The following PIGK variants were observed in gnomAD, a reference collection of about 807,000 sequenced individuals.
PIGK encodes GPI-anchor transamidase.
In PIGK, 42 loss-of-function variants were observed where a neutral mutation model predicts 50.6. The observed-to-expected ratio is 0.83, with a 90% confidence interval of 0.65 to 1.07. The LOEUF (loss-of-function observed/expected upper bound fraction) is 1.07. Among genes scored for constraint, PIGK ranks in the 50% least tolerant of loss-of-function variants. PIGK has a pLI of 0.00. For synonymous variants in PIGK, 151 were observed against 156.0 expected (o/e 0.97, Z 0.24); for missense variants, 448 against 488.7 (o/e 0.92, Z 0.78).
chr1:77,167,906 T>C (rs4949774), intron 4 of PIGK, among the ~76,000 whole-genome samples: 1 of 152,082 alleles, frequency 6.6e-6, no homozygotes, highest in African/African-American at 2.4e-5. Context: ...AATAGTTCCA[T>C]GTTCACTACC....
chr1:77,118,196 T>G (rs552007721), intron 10 of PIGK, among the ~76,000 whole-genome samples: 2 of 152,302 alleles, frequency 1.3e-5, no homozygotes, highest in South Asian at 4.1e-4. Flanking sequence ...AGGTGTTAAT[T>G]CCATGAGGAA....
In PIGK at chr1:77,180,857, G is replaced by A. The variant is rs2100568914; in HGVS notation, c.240-11462C>T. Among the ~76,000 whole-genome samples the A allele has an allele frequency of 2.0e-5, 3 of 151,996 alleles. No homozygotes were observed. The East Asian group carries it at 5.8e-4, about 29-fold the overall frequency. On this transcript the variant is annotated intron_variant, in intron 3 of 10. Coordinates refer to ENST00000370812, the MANE Select transcript of PIGK (RefSeq NM_005482.3). The stretch of plus-strand genomic sequence containing the variant: ...GGGGTGACTTTGAATAGAATGGGAG[G>A]CAGGTTTGCCCTAAGCAGTTCCCAG...
At chr1:77,104,024 T>TA (rs11450309) in intron 10 of PIGK, among the ~76,000 whole-genome samples, 31,778 of 138,024 alleles carry the variant, frequency 0.23, 4,483 homozygotes, top group Non-Finnish European at 0.33. Flanking sequence ...GGGGCTATCT[T>TA]AAAAAAAAAA....
At chr1:77,129,729 A>G in intron 9 of PIGK, 1 of 971,988 alleles carries the variant, frequency 1.0e-6, no homozygotes. Context: ...AAATAAATAA[A>G]TAAATAAATA....
intron 3 of PIGK, among the ~76,000 whole-genome samples, chr1:77,174,479 T>G (rs1408148373): frequency 3.9e-5 from 6 of 152,322 alleles, no homozygotes; most frequent in African/African-American, 1.4e-4. Flanking sequence ...ATCTGATGTT[T>G]CCGACTTTGG....
intron 9 of PIGK, among the ~76,000 whole-genome samples, chr1:77,127,787 G>A (rs539393373): frequency 6.2e-4 from 94 of 152,200 alleles, no homozygotes; most frequent in African/African-American, 2.1e-3. Flanking sequence ...AACCTGTTTT[G>A]AAAATGACAG....
intron 9 of PIGK, among the ~76,000 whole-genome samples, chr1:77,132,058 T>C (rs370100762): frequency 6.6e-6 from 1 of 152,080 alleles, no homozygotes; most frequent in Non-Finnish European, 1.5e-5. Context: ...ATCCTTCAGT[T>C]GAAGGCTTAA....
At chr1:77,156,840 G>A (rs1185844759) in intron 8 of PIGK, among the ~76,000 whole-genome samples, 1 of 152,136 alleles carries the variant, frequency 6.6e-6, no homozygotes, top group African/African-American at 2.4e-5. Flanking sequence ...ACCAGGTACT[G>A]TAATTAAGTT....
chr1:77,212,800 G>T (rs937015798), intron 1 of PIGK, among the ~76,000 whole-genome samples: 2 of 152,170 alleles, frequency 1.3e-5, no homozygotes, highest in Non-Finnish European at 2.9e-5. Flanking sequence ...GCACCCAGAT[G>T]TATAAATCAA....
chr1:77,215,791 G>A (rs184123330), intron 1 of PIGK, among the ~76,000 whole-genome samples: 2 of 152,240 alleles, frequency 1.3e-5, no homozygotes, highest in Admixed American at 6.5e-5. Context: ...AAACAGGTAC[G>A]TGGATGAACC....
chr1:77,146,084 G>A, intron 9 of PIGK, among the ~76,000 whole-genome samples: 1 of 151,978 alleles, frequency 6.6e-6, no homozygotes, highest in East Asian at 1.9e-4. Context: ...AAGTAAGTTG[G>A]AGACCATCTG....
chr1:77,205,981 T>C (rs1656277420), intron 3 of PIGK, among the ~76,000 whole-genome samples: 1 of 152,068 alleles, frequency 6.6e-6, no homozygotes, highest in South Asian at 2.1e-4. Context: ...AGCACAGACA[T>C]GGGTGCTGAA....
At chr1:77,131,906 T>C (rs1403219465) in intron 9 of PIGK, among the ~76,000 whole-genome samples, 1 of 152,036 alleles carries the variant, frequency 6.6e-6, no homozygotes, top group Non-Finnish European at 1.5e-5. Context: ...CCAAATGAGG[T>C]AGGAAGCTTT....
At position 77,089,660 on chromosome 1, in the gene PIGK, C is replaced by A. The variant is rs1653254421; in HGVS notation, c.*2714G>T. 6.6e-6 allele frequency: 1 copy of A among 152,562 alleles called. No homozygotes were observed. Among genetic ancestry groups the A allele is most frequent in the South Asian group, 2.1e-4 (1 of 4,834 alleles). The allele number at this position is 152,562 out of a possible 1,614,324, so 9.5% of individuals were successfully genotyped here. Reference sequence around the variant, plus strand: ...TGTGGGAATCATCATTTTCAACTAGCTGGGAATATATAAAAATCAAAACCA... The same window carrying A: ...TGTGGGAATCATCATTTTCAACTAGATGGGAATATATAAAAATCAAAACCA... On this transcript the variant is annotated 3_prime_UTR_variant, in exon 11 of 11. Transcript: ENST00000370812.
intron 10 of PIGK, among the ~76,000 whole-genome samples, chr1:77,109,081 G>C (rs1370167635): frequency 2.0e-5 from 3 of 152,104 alleles, no homozygotes; most frequent in African/African-American, 7.2e-5. Context: ...TCTCTGAATA[G>C]ACCAGTAACA....
At chr1:77,146,737 C>T (rs567683945) in intron 9 of PIGK, among the ~76,000 whole-genome samples, 22 of 151,760 alleles carry the variant, frequency 1.4e-4, no homozygotes, top group African/African-American at 2.2e-4. Context: ...GCGGAGGTTG[C>T]GGTGAGCCAA....
intron 1 of PIGK, 108 bp from the exon 2 acceptor site, chr1:77,210,597 C>A: frequency 1.6e-6 from 1 of 610,862 alleles, no homozygotes; most frequent in Non-Finnish European, 2.8e-6. Context: ...TAACAATCAT[C>A]TTACGTAAGT....
intron 10 of PIGK, among the ~76,000 whole-genome samples, chr1:77,102,702 T>G (rs1195186562): frequency 7.2e-5 from 11 of 152,316 alleles, no homozygotes; most frequent in Non-Finnish European, 1.3e-4. Context: ...CCACCAAATT[T>G]CGGTAATTTG....
intron 10 of PIGK, among the ~76,000 whole-genome samples, chr1:77,121,132 G>A (rs1024894455): frequency 1.4e-4 from 21 of 152,070 alleles, no homozygotes; most frequent in African/African-American, 2.9e-4. Flanking sequence ...CTGTTTCATC[G>A]CTCACTCTTA....
Sources: allele counts gnomAD v4.1 joint callset (sites outside exome capture counted in the v4.1 genomes callset), GRCh38; gene constraint gnomAD v4.1.1; transcripts MANE v1.5; gene names NCBI Gene and HGNC (gene_info 2026-07-23, HGNC 2026-07-21).